The following PLSCR4 variants were observed in gnomAD, a reference collection of about 807,000 sequenced individuals.
The protein encoded by PLSCR4 is Ca(2+)-dependent phospholipid scramblase 4.
Under a neutral mutation model 36.3 loss-of-function variants are expected in PLSCR4, and 25 were observed. The observed-to-expected ratio is 0.69, with a 90% CI of 0.50 to 0.96. The LOEUF is 0.96. Ranked by LOEUF, PLSCR4 falls within the 40% of genes least tolerant of loss-of-function variation. PLSCR4 has a pLI of 0.00. For missense variants in PLSCR4, 408 were observed against 414.7 expected (o/e 0.98, Z 0.14); for synonymous variants, 122 against 132.9 (o/e 0.92, Z 0.56).
intron 1 of PLSCR4, among the ~76,000 whole-genome samples, chr3:146,249,386 T>C (rs9863647): frequency 0.78 from 118,001 of 151,980 alleles, 46,901 homozygotes; most frequent in Non-Finnish European, 0.86. Context: ...CTTGTCCAAG[T>C]ACATTCAATT....
intron 1 of PLSCR4, among the ~76,000 whole-genome samples, chr3:146,246,796 GA>G (rs1253086371): frequency 1.3e-5 from 2 of 152,066 alleles, no homozygotes; most frequent in Non-Finnish European, 2.9e-5. Flanking sequence ...TTACATTTAT[GA>G]AAACAGACTT....
At chr3:146,232,987 A>G (rs890627851) in intron 1 of PLSCR4, among the ~76,000 whole-genome samples, 2 of 152,126 alleles carry the variant, frequency 1.3e-5, no homozygotes, top group African/African-American at 2.4e-5. Context: ...TTGACTACCT[A>G]TAAATTCTGG....
intron 3 of PLSCR4, among the ~76,000 whole-genome samples, chr3:146,208,646 A>C (rs2034464238): frequency 6.6e-6 from 1 of 152,194 alleles, no homozygotes; most frequent in Admixed American, 6.5e-5. Context: ...CAAATGGCCA[A>C]CAATTGTATG....
At chr3:146,227,256 G>C (rs1380976110) in intron 1 of PLSCR4, among the ~76,000 whole-genome samples, 1 of 152,144 alleles carries the variant, frequency 6.6e-6, no homozygotes, top group African/African-American at 2.4e-5. Context: ...GTTAATTGCA[G>C]AGGCCTTGGT....
Position 146,196,807 on chromosome 3 carries a change from A to C in PLSCR4, c.625-14T>G. The C allele has an allele frequency of 6.2e-7, 1 of 1,612,806 alleles. No homozygotes were observed. The highest frequency in any genetic ancestry group is 1.3e-5 in the African/African-American group (1 of 75,026). On this transcript the variant is annotated splice_polypyrimidine_tract_variant and intron_variant, in intron 6 of 8. Coordinates refer to ENST00000354952, the MANE Select transcript of PLSCR4 (RefSeq NM_020353.3). ...CTGCACCTCCAGCTGCAAACAAAAC[A>C]GTGACAGAAGTTAGGATGCTACATG...
chr3:146,209,950 T>C (rs1380694122), intron 3 of PLSCR4, among the ~76,000 whole-genome samples: 3 of 152,118 alleles, frequency 2.0e-5, no homozygotes, highest in Non-Finnish European at 4.4e-5. Flanking sequence ...AGATATTTTA[T>C]GTTAAGATTT....
chr3:146,243,914 T>C (rs1282806132), intron 1 of PLSCR4, among the ~76,000 whole-genome samples: 1 of 152,168 alleles, frequency 6.6e-6, no homozygotes, highest in African/African-American at 2.4e-5. Context: ...AAATACAGCA[T>C]TGTAGGTAAA....
intron 1 of PLSCR4, 153 bp from the exon 2 acceptor site, chr3:146,222,245 C>T (rs749849957): frequency 1.6e-5 from 6 of 370,096 alleles, no homozygotes. Flanking sequence ...TATTGAGCAC[C>T]TATTATGTAC....
intron 3 of PLSCR4, among the ~76,000 whole-genome samples, chr3:146,214,358 C>CAA (rs1422220056): frequency 9.6e-5 from 1 of 10,422 alleles, no homozygotes; most frequent in Non-Finnish European, 2.7e-4. Flanking sequence ...CTCCTGACCT[C>CAA]GTGATCCGCC....
In PLSCR4 at chr3:146,222,195, GTTACC is replaced by G. The variant is rs1450678156; in HGVS notation, c.-21-108_-21-104del. 16 of 420,726 alleles carry G rather than the reference GTTACC, an allele frequency of 3.8e-5. 1 individual carries two copies. In the South Asian group the frequency reaches 4.6e-4, roughly 12 times the overall value. 26.1% of individuals were successfully genotyped at this position (420,726 alleles called of 1,614,324 possible). A position where few individuals can be genotyped will look rare whatever the true frequency, so the allele number is the denominator to read the frequency against. On this transcript the variant is annotated intron_variant, in intron 1 of 8. Transcript: ENST00000354952. ...ATTTCTGTAATTTTTTTAACCTCCA[GTTACC>G]TTACATTTGTCCCTTCATTAATTAA...
At chr3:146,236,125 A>T (rs1444062073) in intron 1 of PLSCR4, among the ~76,000 whole-genome samples, 1 of 152,204 alleles carries the variant, frequency 6.6e-6, no homozygotes, top group Non-Finnish European at 1.5e-5. Flanking sequence ...GAGGAATTCA[A>T]GCAATCTTGA....
rs1576444650 is a variant in PLSCR4 at position 146,196,566 on chromosome 3, A to G, written c.786+66T>C. 11 of 1,481,824 alleles carry G rather than the reference A, an allele frequency of 7.4e-6. No homozygotes were observed. The East Asian group carries it at 1.6e-4, about 21-fold the overall frequency. The allele number at this position is 1,481,824 out of a possible 1,614,324, so 91.8% of individuals were successfully genotyped here. A position where few individuals can be genotyped will look rare whatever the true frequency, so the allele number is the denominator to read the frequency against. ...ATTAAAAAAAAATGTCTACAACCAGATCTTTCCATGGTCTGTTAATATGAG... is the reference window on the plus strand; with the variant it reads ...ATTAAAAAAAAATGTCTACAACCAGGTCTTTCCATGGTCTGTTAATATGAG... On this transcript the variant is annotated intron_variant, in intron 7 of 8. Transcript: ENST00000354952.
chr3:146,242,350 T>A (rs2036186002), intron 1 of PLSCR4, among the ~76,000 whole-genome samples: 1 of 152,186 alleles, frequency 6.6e-6, no homozygotes. Flanking sequence ...CTTCCAGTGA[T>A]CCCAGGAGCA....
chr3:146,233,293 A>C (rs947686061), intron 1 of PLSCR4, among the ~76,000 whole-genome samples: 3 of 152,140 alleles, frequency 2.0e-5, no homozygotes, highest in African/African-American at 7.2e-5. Flanking sequence ...ACATATCACA[A>C]TGTTATTTAA....
intron 4 of PLSCR4, 107 bp downstream of exon 4, chr3:146,206,419 A>T: frequency 1.3e-6 from 1 of 745,250 alleles, no homozygotes; most frequent in South Asian, 1.7e-5. Context: ...GGCATCTGTC[A>T]TCACTGACCC....
intron 1 of PLSCR4, among the ~76,000 whole-genome samples, chr3:146,226,379 G>A (rs1400134678): frequency 6.6e-6 from 1 of 152,078 alleles, no homozygotes; most frequent in Non-Finnish European, 1.5e-5. Context: ...TTAAGTTCTT[G>A]GGATTGCAAA....
chr3:146,239,726 AT>A (rs2036069418), intron 1 of PLSCR4, among the ~76,000 whole-genome samples: 1 of 151,992 alleles, frequency 6.6e-6, no homozygotes, highest in African/African-American at 2.4e-5. Flanking sequence ...TCTACTAAAA[AT>A]ACAAAAACAG....
At chr3:146,217,860 A>G (rs2034964304) in intron 3 of PLSCR4, among the ~76,000 whole-genome samples, 1 of 152,222 alleles carries the variant, frequency 6.6e-6, no homozygotes, top group Non-Finnish European at 1.5e-5. Flanking sequence ...TCAGACTGAC[A>G]TGATCTGTGG....
At chr3:146,195,058 A>T in intron 8 of PLSCR4, 66 bp downstream of exon 8, 1 of 1,416,514 alleles carries the variant, frequency 7.1e-7, no homozygotes, top group Non-Finnish European at 9.9e-7. Context: ...TCTTTATACT[A>T]CACTATACTG....
Sources: allele counts gnomAD v4.1 joint callset (sites outside exome capture counted in the v4.1 genomes callset), GRCh38; gene constraint gnomAD v4.1.1; transcripts MANE v1.5; gene names NCBI Gene and HGNC (gene_info 2026-07-23, HGNC 2026-07-21).